Variants in ROBO2 observed in about 807,000 individuals in gnomAD.
The protein encoded by ROBO2 is roundabout guidance receptor 2.
ROBO2 carries 53 observed loss-of-function variants against 160.8 expected under a neutral mutation model. The observed-to-expected ratio is 0.33, with a 90% confidence interval of 0.26 to 0.41. The LOEUF (loss-of-function observed/expected upper bound fraction) is 0.41, where lower values mean the gene tolerates loss of function less well. Ranked by LOEUF, ROBO2 falls within the 10% of genes least tolerant of loss-of-function variation. The pLI, the probability that ROBO2 is intolerant of heterozygous loss-of-function variation, is 1.00. For missense variants in ROBO2, 1,577 were observed against 1,722.4 expected (o/e 0.92, Z 1.49); for synonymous variants, 664 against 611.7 (o/e 1.09, Z -1.26).
At chr3:76,462,548 A>T (rs1290452197) in intron 2 of ROBO2, among the ~76,000 whole-genome samples, 1 of 151,952 alleles carries the variant, frequency 6.6e-6, no homozygotes, top group Non-Finnish European at 1.5e-5. Context: ...GATTACAAAG[A>T]TCAGCAATTT....
At chr3:76,145,984 G>A (rs564955737) in intron 2 of ROBO2, among the ~76,000 whole-genome samples, 3 of 151,836 alleles carry the variant, frequency 2.0e-5, no homozygotes, top group Admixed American at 6.6e-5. Flanking sequence ...CCTTAATTTC[G>A]TTGATTCCAC....
At chr3:75,913,189 C>T (rs765149602) in intron 1 of ROBO2, among the ~76,000 whole-genome samples, 2 of 152,150 alleles carry the variant, frequency 1.3e-5, no homozygotes, top group Non-Finnish European at 2.9e-5. Flanking sequence ...GTTCCTTTCT[C>T]CGCATTGTCT....
chr3:76,940,511 A>C (rs937437955), intron 2 of ROBO2, among the ~76,000 whole-genome samples: 1 of 152,194 alleles, frequency 6.6e-6, no homozygotes, highest in African/African-American at 2.4e-5. Context: ...TGTTTTACCA[A>C]AAGTGCTTTT....
chr3:76,464,990 T>C (rs983118469), intron 2 of ROBO2, among the ~76,000 whole-genome samples: 8 of 152,132 alleles, frequency 5.3e-5, no homozygotes, highest in Non-Finnish European at 1.2e-4. Context: ...TTCTAATCTT[T>C]TTCAAAAAGA....
intron 2 of ROBO2, among the ~76,000 whole-genome samples, chr3:77,139,553 G>T (rs1432635430): frequency 6.6e-6 from 1 of 152,128 alleles, no homozygotes. Flanking sequence ...TTCATCACTT[G>T]TCTGATTTGG....
At chr3:77,087,894 A>C (rs1025701420) in intron 1 of ROBO2, among the ~76,000 whole-genome samples, 1 of 152,016 alleles carries the variant, frequency 6.6e-6, no homozygotes, top group Non-Finnish European at 1.5e-5. Context: ...AAGAATATAT[A>C]TATTTCTATT....
rs774516004 is a variant in ROBO2, at chr3:76,457,231, C to G, written c.109+519629C>G. Among the ~76,000 whole-genome samples the G allele has an allele frequency of 5.7e-4, 87 of 152,158 alleles. 1 individual carries two copies. Among genetic ancestry groups the G allele is most frequent in the Non-Finnish European group, 8.8e-5 (6 of 68,022 alleles). ...GCCTATGAGCCTGTAAAATCAGAAG[C>G]AAGCAAGTTACTTAAACAATGGAGG... On this transcript the variant is annotated intron_variant, in intron 2 of 26. Coordinates refer to the ROBO2 transcript ENST00000487694.
intron 2 of ROBO2, among the ~76,000 whole-genome samples, chr3:77,324,848 A>C (rs1227826066): frequency 6.6e-6 from 1 of 151,402 alleles, no homozygotes; most frequent in East Asian, 1.9e-4. Context: ...TTTTTAAACT[A>C]GCGCGTGTTT....
At chr3:76,630,054 T>G (rs1212552392) in intron 2 of ROBO2, among the ~76,000 whole-genome samples, 1 of 152,164 alleles carries the variant, frequency 6.6e-6, no homozygotes, top group East Asian at 1.9e-4. Context: ...TTGGCTGACT[T>G]TGGTTTGCAT....
At chr3:76,914,523 T>C (rs1346804847) in intron 2 of ROBO2, among the ~76,000 whole-genome samples, 2 of 152,126 alleles carry the variant, frequency 1.3e-5, no homozygotes, top group African/African-American at 4.8e-5. Flanking sequence ...GTGTTGACTT[T>C]TCTGAAGAGC....
chr3:76,834,052 C>CCTTT (rs1553651195), intron 2 of ROBO2, among the ~76,000 whole-genome samples: 1 of 47,100 alleles, frequency 2.1e-5, no homozygotes, highest in Non-Finnish European at 4.3e-5. Flanking sequence ...TTCTTTCTCT[C>CCTTT]CTTTCTTTCT....
At chr3:77,151,759 T>G (rs2077564672) in intron 2 of ROBO2, among the ~76,000 whole-genome samples, 1 of 152,220 alleles carries the variant, frequency 6.6e-6, no homozygotes, top group Non-Finnish European at 1.5e-5. Context: ...TTCTCCTATG[T>G]CTTGCATTAA....
chr3:76,226,097 C>A (rs767180526), intron 2 of ROBO2, among the ~76,000 whole-genome samples: 3 of 151,984 alleles, frequency 2.0e-5, no homozygotes, highest in Non-Finnish European at 4.4e-5. Context: ...ATTCAGCAAA[C>A]CCTGAGATTC....
chr3:76,474,722 A>T (rs746829726), intron 2 of ROBO2, among the ~76,000 whole-genome samples: 17 of 151,976 alleles, frequency 1.1e-4, no homozygotes, highest in Non-Finnish European at 2.5e-4. Flanking sequence ...CCTCTATTTC[A>T]CTCGAGTGTC....
chr3:76,263,748 T>C (rs1254406158), intron 2 of ROBO2, among the ~76,000 whole-genome samples: 1 of 152,200 alleles, frequency 6.6e-6, no homozygotes, highest in Non-Finnish European at 1.5e-5. Context: ...TAAATCATTC[T>C]ACTGTAAAGA....
At chr3:76,255,531 A>G (rs151321909) in intron 2 of ROBO2, among the ~76,000 whole-genome samples, 1 of 152,040 alleles carries the variant, frequency 6.6e-6, no homozygotes, top group Non-Finnish European at 1.5e-5. Flanking sequence ...AAAAATTTAC[A>G]TTGTAAACAT....
At chr3:76,417,967 C>A (rs1442317444) in intron 2 of ROBO2, among the ~76,000 whole-genome samples, 1 of 151,878 alleles carries the variant, frequency 6.6e-6, no homozygotes, top group Admixed American at 6.6e-5. Flanking sequence ...ATAACTTTTG[C>A]ACCAACCTTT....
intron 2 of ROBO2, among the ~76,000 whole-genome samples, chr3:77,475,930 A>G (rs1180076828): frequency 6.6e-6 from 1 of 152,206 alleles, no homozygotes; most frequent in African/African-American, 2.4e-5. Context: ...AATGGAACAC[A>G]TTTCTTTAGC....
At chr3:77,240,433 C>T (rs1046943857) in intron 2 of ROBO2, among the ~76,000 whole-genome samples, 2 of 152,202 alleles carry the variant, frequency 1.3e-5, no homozygotes, top group African/African-American at 4.8e-5. Context: ...CTGCGATTGC[C>T]GCACACAGCC....
Sources: gnomAD v4.1 joint callset for allele counts (sites outside exome capture counted in the v4.1 genomes callset) on GRCh38, gnomAD v4.1.1 for gene constraint, MANE v1.5 for transcripts, NCBI Gene and HGNC (gene_info 2026-07-23, HGNC 2026-07-21) for gene names.